APOO: variants seen among roughly 807,000 people sequenced by gnomAD.
APOO encodes the protein MICOS complex subunit MIC26.
A neutral mutation model predicts 23.1 loss-of-function variants in APOO; 11 were observed. The observed-to-expected ratio is 0.48, with a 90% CI of 0.30 to 0.79. The LOEUF (loss-of-function observed/expected upper bound fraction) is 0.79, where lower values mean the gene tolerates loss of function less well. APOO is among the 30% of genes least tolerant of loss of function. APOO has a pLI of 0.07. For missense variants in APOO, 160 were observed against 142.7 expected, an observed-to-expected ratio of 1.12 and a Z score of -0.62; for synonymous variants, 59 against 54.8, an observed-to-expected ratio of 1.08 and a Z score of -0.34.
Position 23,868,464 on chromosome X carries a change from T to C in APOO, c.388+129A>G, listed in dbSNP as rs1048118514. 1.5e-4 allele frequency: 67 copies of C among 453,488 alleles called. No individual in the cohort carries two copies. The East Asian group carries it at 1.9e-3, about 13-fold the overall frequency. The allele number at this position is 453,488 out of a possible 1,213,427, so 37.4% of individuals were successfully genotyped here. On this transcript the variant is annotated intron_variant, in intron 5 of 8. Transcript: ENST00000379226. ...TCAAATATGATAACCATATCCATTA[T>C]ACATTAAGAAAGCCGTATTTAGGAA...
intron 8 of APOO, chrX:23,837,345 A>C (rs746408338): frequency 1.1e-6 from 1 of 894,827 alleles, no homozygotes; most frequent in Non-Finnish European, 1.6e-6. Flanking sequence ...CAGCAAAGAA[A>C]GCCTAATTTC....
chrX:23,839,867 C>G (rs1484323705), intron 8 of APOO, among the ~76,000 whole-genome samples: 1 of 111,421 alleles, frequency 9.0e-6, no homozygotes, highest in African/African-American at 3.3e-5. Flanking sequence ...CAATTACAGT[C>G]TTCTAATTAC....
intron 5 of APOO, among the ~76,000 whole-genome samples, chrX:23,861,147 C>T (rs1925005677): frequency 9.0e-6 from 1 of 110,592 alleles, no homozygotes; most frequent in African/African-American, 3.3e-5. Context: ...CTCTCTGAAT[C>T]TCATGTTAAA....
intron 7 of APOO, among the ~76,000 whole-genome samples, chrX:23,854,371 T>G (rs1419868750): frequency 8.9e-6 from 1 of 112,437 alleles, no homozygotes; most frequent in Non-Finnish European, 1.9e-5. Flanking sequence ...GGCTTTGGTG[T>G]GCTTCAGTCT....
intron 4 of APOO, among the ~76,000 whole-genome samples, chrX:23,873,480 G>A (rs771548214): frequency 2.7e-5 from 3 of 110,301 alleles, no homozygotes; most frequent in African/African-American, 9.9e-5. Context: ...GGTGGCACAC[G>A]CTTGTAATCC....
chrX:23,896,304 T>C (rs1926905048), intron 1 of APOO, among the ~76,000 whole-genome samples: 2 of 110,488 alleles, frequency 1.8e-5, no homozygotes, highest in Non-Finnish European at 3.8e-5. Flanking sequence ...TGGTTGTCTA[T>C]AGGTGGTGAT....
At chrX:23,836,502 A>T (rs1923677259) in intron 8 of APOO, among the ~76,000 whole-genome samples, 1 of 111,263 alleles carries the variant, frequency 9.0e-6, no homozygotes, top group African/African-American at 3.3e-5. Flanking sequence ...TTTAGTAGAG[A>T]CAGGGTTTCA....
At chrX:23,849,584 A>T (rs1038983783) in intron 7 of APOO, among the ~76,000 whole-genome samples, 4 of 57,039 alleles carry the variant, frequency 7.0e-5, no homozygotes, top group African/African-American at 5.7e-4. Context: ...AGAGAGACTT[A>T]AAAAAAAAAA....
chrX:23,853,346 C>CA (rs1292640013), intron 7 of APOO, among the ~76,000 whole-genome samples: 1 of 111,238 alleles, frequency 9.0e-6, no homozygotes, highest in Non-Finnish European at 1.9e-5. Context: ...GCAAGATCAA[C>CA]AAAAAACAAT....
chrX:23,899,031 C>T (rs891457390), intron 1 of APOO, among the ~76,000 whole-genome samples: 1 of 112,339 alleles, frequency 8.9e-6, no homozygotes, highest in African/African-American at 3.2e-5. Context: ...GGGAATTCCT[C>T]CACACTAAGG....
intron 7 of APOO, among the ~76,000 whole-genome samples, 157 bp downstream of exon 7, chrX:23,856,145 C>G (rs1175717773): frequency 8.9e-6 from 1 of 111,976 alleles, no homozygotes; most frequent in Non-Finnish European, 1.9e-5. Context: ...TTCTACTGCT[C>G]TACCAAGAAA....
chrX:23,862,680 G>A (rs1925119214), intron 5 of APOO, among the ~76,000 whole-genome samples: 1 of 104,813 alleles, frequency 9.5e-6, no homozygotes, highest in Non-Finnish European at 1.9e-5. Context: ...GGCTGAGATG[G>A]GAGGATTGCT....
intron 4 of APOO, among the ~76,000 whole-genome samples, chrX:23,871,542 G>A (rs1387292399): frequency 9.0e-6 from 1 of 111,074 alleles, no homozygotes; most frequent in African/African-American, 3.3e-5. Context: ...TGGGCCCAGT[G>A]TGCAATGCCT....
intron 1 of APOO, among the ~76,000 whole-genome samples, chrX:23,889,871 C>T (rs1846031996): frequency 9.1e-6 from 1 of 109,607 alleles, no homozygotes; most frequent in Admixed American, 9.9e-5. Flanking sequence ...CTGTGTTAGC[C>T]AGGATGGTCT....
At position 23,874,464 on chromosome X, in the gene APOO, A is replaced by G. The variant is rs1461625884; in HGVS notation, c.238-7T>C. 8.3e-7 allele frequency: 1 copy of G among 1,200,909 alleles called. No homozygotes were observed. Among genetic ancestry groups the G allele is most frequent in the Admixed American group, 2.2e-5 (1 of 45,976 alleles). ...TAGTTTGGGAGTACGTTTCCTAAAA[A>G]GGTAAAAAGAAACTGAATGAAACTA... On this transcript the variant is annotated splice_region_variant and splice_polypyrimidine_tract_variant and intron_variant, in intron 3 of 8. Transcript: ENST00000379226.
chrX:23,869,046 T>C (rs1925478514), intron 4 of APOO, among the ~76,000 whole-genome samples: 2 of 109,061 alleles, frequency 1.8e-5, no homozygotes, highest in South Asian at 4.0e-4. Flanking sequence ...GTAGCTGGGA[T>C]TACAAGCGCC....
rs1185746894 is a variant in APOO, at chrX:23,881,011, G to A, written c.10-59C>T. On this transcript the variant is annotated intron_variant, in intron 1 of 8. Coordinates refer to ENST00000379226, the MANE Select transcript of APOO (RefSeq NM_024122.5). ...GTTACAGACCGAATGTGCAGAACATGAGCATATTCATAACCTCAGCCACTC... is the reference window on the plus strand; with the variant it reads ...GTTACAGACCGAATGTGCAGAACATAAGCATATTCATAACCTCAGCCACTC... 6 of 804,937 alleles carry A rather than the reference G, an allele frequency of 7.5e-6. No homozygotes were observed. The African/African-American group carries it at 1.0e-4, about 14-fold the overall frequency. 66.3% of individuals were successfully genotyped at this position (804,937 alleles called of 1,213,427 possible). A position where few individuals can be genotyped will look rare whatever the true frequency, so the allele number is the denominator to read the frequency against.
chrX:23,858,374 A>T (rs1386412558), intron 6 of APOO, among the ~76,000 whole-genome samples: 1 of 111,695 alleles, frequency 9.0e-6, no homozygotes, highest in Admixed American at 9.6e-5. Flanking sequence ...AGTATACAAA[A>T]AATGTATATT....
At chrX:23,890,483 C>T (rs1011762720) in intron 1 of APOO, among the ~76,000 whole-genome samples, 1 of 112,060 alleles carries the variant, frequency 8.9e-6, no homozygotes, top group Non-Finnish European at 1.9e-5. Flanking sequence ...CACTTATGCC[C>T]CGTTTACTTT....
Sources: gnomAD v4.1 joint callset for allele counts (sites outside exome capture counted in the v4.1 genomes callset) on GRCh38, gnomAD v4.1.1 for gene constraint, MANE v1.5 for transcripts, NCBI Gene and HGNC (gene_info 2026-07-23, HGNC 2026-07-21) for gene names.